The following TTLL5 variants were observed in gnomAD, a reference collection of about 807,000 sequenced individuals.
TTLL5 encodes the protein tubulin tyrosine ligase like 5.
A neutral mutation model predicts 168.4 loss-of-function variants in TTLL5; 132 were observed. The observed-to-expected ratio is 0.78, with a 90% confidence interval of 0.68 to 0.91. TTLL5 has a LOEUF of 0.91. Ranked by LOEUF, TTLL5 falls within the 40% of genes least tolerant of loss-of-function variation. TTLL5 has a pLI of 0.00. For missense variants in TTLL5, 1,545 were observed against 1,581.5 expected, an observed-to-expected ratio of 0.98 and a Z score of 0.39; for synonymous variants, 546 against 558.6, an observed-to-expected ratio of 0.98 and a Z score of 0.32.
At chr14:75,748,847 T>G (rs1419866510) in intron 17 of TTLL5, among the ~76,000 whole-genome samples, 1 of 152,186 alleles carries the variant, frequency 6.6e-6, no homozygotes, top group Admixed American at 6.5e-5. Context: ...TTTCTGTGAT[T>G]TCTAGTAAGG....
intron 27 of TTLL5, among the ~76,000 whole-genome samples, chr14:75,798,722 C>CA (rs756001607): frequency 5.9e-5 from 9 of 152,074 alleles, no homozygotes; most frequent in Non-Finnish European, 1.3e-4. Flanking sequence ...ATTGTTGACC[C>CA]AATGACCATT....
In TTLL5 at chr14:75,774,820, C is replaced by T. The variant is rs764441967; in HGVS notation, c.2137-664C>T. 8.5e-5 allele frequency among the ~76,000 whole-genome samples: 13 copies of T among 152,160 alleles called. No homozygotes were observed. The South Asian group carries it at 1.0e-3, about 12-fold the overall frequency. Reference sequence around the variant, plus strand: ...TCTCATACCTCAGCCTCCCAAGTAGCGGAGATTACAGGTGTGTGCCACCAC... The same window carrying T: ...TCTCATACCTCAGCCTCCCAAGTAGTGGAGATTACAGGTGTGTGCCACCAC... On this transcript the variant is annotated intron_variant, in intron 21 of 31. Coordinates refer to ENST00000298832, the MANE Select transcript of TTLL5 (RefSeq NM_015072.5).
chr14:75,837,615 A>G (rs1362410905), intron 28 of TTLL5, among the ~76,000 whole-genome samples: 1 of 151,812 alleles, frequency 6.6e-6, no homozygotes, highest in Admixed American at 6.6e-5. Flanking sequence ...CCTCCCCCCA[A>G]CGCCTGGACA....
At chr14:75,883,413 A>G (rs1178326531) in intron 30 of TTLL5, among the ~76,000 whole-genome samples, 1 of 152,236 alleles carries the variant, frequency 6.6e-6, no homozygotes, top group Non-Finnish European at 1.5e-5. Flanking sequence ...TTAGCCAGTG[A>G]ACTAGAAATA....
chr14:75,673,968 A>T (rs1883947899), intron 3 of TTLL5, among the ~76,000 whole-genome samples: 1 of 152,240 alleles, frequency 6.6e-6, no homozygotes, highest in South Asian at 2.1e-4. Flanking sequence ...ATAAAAACAA[A>T]TATTCCCCCC....
chr14:75,903,720 T>A (rs1196288158), intron 31 of TTLL5, among the ~76,000 whole-genome samples: 1 of 150,986 alleles, frequency 6.6e-6, no homozygotes, highest in East Asian at 1.9e-4. Context: ...TGAGACCCTA[T>A]CTCTACAAAA....
intron 29 of TTLL5, among the ~76,000 whole-genome samples, chr14:75,867,267 A>G (rs747942984): frequency 9.9e-5 from 15 of 152,238 alleles, no homozygotes; most frequent in Non-Finnish European, 1.8e-4. Context: ...GTGCAGACCC[A>G]TAGACTAGAG....
intron 3 of TTLL5, among the ~76,000 whole-genome samples, chr14:75,674,781 T>C (rs1018805255): frequency 1.1e-4 from 16 of 152,264 alleles, no homozygotes; most frequent in African/African-American, 3.6e-4. Context: ...GCAAGCTATA[T>C]ATGTGATTTG....
At chr14:75,828,309 C>A (rs1040934455) in intron 28 of TTLL5, among the ~76,000 whole-genome samples, 1 of 152,108 alleles carries the variant, frequency 6.6e-6, no homozygotes, top group Admixed American at 6.5e-5. Context: ...AGACAAACCC[C>A]TTCTCTTCCT....
chr14:75,886,934 G>C, intron 30 of TTLL5: 1 of 1,428,602 alleles, frequency 7.0e-7, no homozygotes, highest in Non-Finnish European at 9.1e-7. Flanking sequence ...GAAAGGGTGG[G>C]GCCAAAGATG....
At chr14:75,796,843 T>C (rs1893021175) in intron 27 of TTLL5, among the ~76,000 whole-genome samples, 1 of 152,196 alleles carries the variant, frequency 6.6e-6, no homozygotes, top group South Asian at 2.1e-4. Flanking sequence ...TTAGTATAGT[T>C]TGAATTTGGG....
chr14:75,929,172 T>A (rs2034189120), intron 31 of TTLL5, among the ~76,000 whole-genome samples: 1 of 152,208 alleles, frequency 6.6e-6, no homozygotes, highest in Non-Finnish European at 1.5e-5. Flanking sequence ...AGAATAAAAC[T>A]AATTAGCATA....
intron 10 of TTLL5, 125 bp from the exon 11 acceptor site, chr14:75,719,609 TG>T (rs2140202140): frequency 1.4e-6 from 1 of 699,984 alleles, no homozygotes; most frequent in East Asian, 3.1e-5. Context: ...AATGAGTAAC[TG>T]GAAGTCAGCA....
Position 75,902,259 on chromosome 14 carries a change from A to G in TTLL5, c.3823+35A>G, listed in dbSNP as rs201236039. The stretch of plus-strand genomic sequence containing the variant: ...CACCAGCTCTTCTGCAACTGGATAG[A>G]TGACAGGGAAGGTGTTGGGCTTGGC... On this transcript the variant is annotated intron_variant, in intron 31 of 31. Transcript: ENST00000298832. The G allele has an allele frequency of 2.0e-4, 316 of 1,607,066 alleles. No homozygotes were observed. In the African/African-American group the frequency reaches 3.8e-3, roughly 19 times the overall value.
chr14:75,711,265 C>T (rs1468213074), intron 9 of TTLL5: 2 of 152,200 alleles, frequency 1.3e-5, no homozygotes, highest in African/African-American at 2.4e-5. Context: ...CTCAGAGGTC[C>T]CCTGTGCTTT....
intron 17 of TTLL5, among the ~76,000 whole-genome samples, chr14:75,747,746 C>T (rs558906125): frequency 6.6e-6 from 1 of 152,276 alleles, no homozygotes; most frequent in Admixed American, 6.5e-5. Flanking sequence ...ACTCAATTTG[C>T]AACCTCATGT....
intron 28 of TTLL5, among the ~76,000 whole-genome samples, chr14:75,844,058 T>G (rs2139858680): frequency 6.6e-6 from 1 of 151,734 alleles, no homozygotes; most frequent in Non-Finnish European, 1.5e-5. Flanking sequence ...AATTTTTGTA[T>G]TTTTAGTAGA....
intron 28 of TTLL5, among the ~76,000 whole-genome samples, chr14:75,856,625 C>CTTTTTTT: frequency 1.0e-5 from 1 of 97,272 alleles, no homozygotes; most frequent in Non-Finnish European, 2.1e-5. Flanking sequence ...AGTTGTATTG[C>CTTTTTTT]TTTTTTTTTT....
chr14:75,716,205 T>C (rs1304257751), intron 9 of TTLL5, among the ~76,000 whole-genome samples: 1 of 152,330 alleles, frequency 6.6e-6, no homozygotes, highest in Middle Eastern at 3.4e-3. Flanking sequence ...GGGTGTGACA[T>C]GGCTAGAAGT....
Sources: gnomAD v4.1 joint callset for allele counts (sites outside exome capture counted in the v4.1 genomes callset) on GRCh38, gnomAD v4.1.1 for gene constraint, MANE v1.5 for transcripts, NCBI Gene and HGNC (gene_info 2026-07-23, HGNC 2026-07-21) for gene names.